The following ASPH variants were observed in gnomAD, a reference collection of about 807,000 sequenced individuals.
ASPH encodes aspartyl/asparaginyl beta-hydroxylase.
In ASPH, 100 loss-of-function variants were observed where a neutral mutation model predicts 118.4. That is an observed-to-expected ratio of 0.84 (90% CI 0.72 to 1.00). The LOEUF is 1.00. Among genes scored for constraint, ASPH ranks in the 50% least tolerant of loss-of-function variants. The probability of loss-of-function intolerance (pLI) is 0.00; values close to 1 mark genes in which losing one functional copy is unlikely to be tolerated. For missense variants in ASPH, 920 were observed against 919.5 expected (o/e 1.00, Z -0.01); for synonymous variants, 315 against 325.6 (o/e 0.97, Z 0.35).
At chr8:61,680,797 AAG>A in intron 3 of ASPH, 169 bp downstream of exon 3, 1 of 459,282 alleles carries the variant, frequency 2.2e-6, no homozygotes, top group East Asian at 3.5e-5. Flanking sequence ...ATTGACATGA[AAG>A]AGTGTGGAAA....
At chr8:61,698,913 G>A (rs201332918) in intron 1 of ASPH, among the ~76,000 whole-genome samples, 147 of 152,284 alleles carry the variant, frequency 9.7e-4, no homozygotes, top group Non-Finnish European at 1.9e-3. Flanking sequence ...ACTAAAAATT[G>A]CATAAACAAT....
In ASPH at chr8:61,553,130, G is replaced by C. The variant is rs1172081491; in HGVS notation, c.1537-10C>G. 1.9e-6 allele frequency: 3 copies of C among 1,598,460 alleles called. No individual in the cohort carries two copies. Among genetic ancestry groups the C allele is most frequent in the Non-Finnish European group, 2.6e-6 (3 of 1,166,174 alleles). ...CGGATTCTATTCCTTCCTGTAGAAA[G>C]GACAGTGTTAGTATGGGTAAAATAA... On this transcript the variant is annotated splice_polypyrimidine_tract_variant and intron_variant, in intron 19 of 24. Coordinates refer to ENST00000379454, the MANE Select transcript of ASPH (RefSeq NM_004318.4).
chr8:61,517,147 TA>T (rs1369684189), intron 24 of ASPH: 1 of 171,870 alleles, frequency 5.8e-6, no homozygotes, highest in Non-Finnish European at 1.3e-5. Flanking sequence ...GTTCTTCAGT[TA>T]GGGGTACTTC....
intron 18 of ASPH, among the ~76,000 whole-genome samples, chr8:61,561,297 T>C (rs1829889691): frequency 6.6e-6 from 1 of 152,188 alleles, no homozygotes; most frequent in South Asian, 2.1e-4. Flanking sequence ...AGACAGGGCA[T>C]TGAGTGTTAT....
At chr8:61,689,308 T>G (rs1831823188) in intron 1 of ASPH, among the ~76,000 whole-genome samples, 1 of 152,088 alleles carries the variant, frequency 6.6e-6, no homozygotes. Context: ...AATTTATATC[T>G]CCTATAATTT....
At chr8:61,511,325 T>G (rs928592851) in intron 24 of ASPH, among the ~76,000 whole-genome samples, 5 of 152,210 alleles carry the variant, frequency 3.3e-5, no homozygotes, top group Non-Finnish European at 7.3e-5. Flanking sequence ...TGTGCTTTCC[T>G]GACAACCTAT....
intron 21 of ASPH, among the ~76,000 whole-genome samples, chr8:61,540,420 G>C (rs1821421586): frequency 6.6e-6 from 1 of 152,084 alleles, no homozygotes; most frequent in South Asian, 2.1e-4. Context: ...CAGCTCTCTT[G>C]CTCCTGTTCA....
chr8:61,662,845 C>A (rs1480515064), intron 3 of ASPH: 10 of 983,466 alleles, frequency 1.0e-5, no homozygotes, highest in Non-Finnish European at 1.2e-5. Flanking sequence ...TACTAAATAG[C>A]AATAGACAAT....
intron 3 of ASPH, among the ~76,000 whole-genome samples, chr8:61,678,964 G>A (rs573405766): frequency 2.2e-4 from 34 of 152,216 alleles, no homozygotes; most frequent in African/African-American, 7.9e-4. Flanking sequence ...TCACCAGGCT[G>A]TCTTTGCAGT....
chr8:61,683,812 AC>A, intron 2 of ASPH: 1 of 417,114 alleles, frequency 2.4e-6, no homozygotes, highest in South Asian at 8.1e-5. Context: ...TGACAGACAT[AC>A]AATATAAAGC....
rs546348108 is a variant in ASPH at position 61,519,251 on chromosome 8, T to C, written c.1901-1128A>G. ...AATAGATTTGTATATATATAGTAAA[T>C]GATACAATAGATTAGTACCTATATA... is the stretch of plus-strand genomic sequence containing the variant. On this transcript the variant is annotated intron_variant, in intron 22 of 24. Transcript: ENST00000379454. Among the ~76,000 whole-genome samples, 16 of 152,326 alleles carry C rather than the reference T, an allele frequency of 1.1e-4. No individual in the cohort carries two copies. In the South Asian group the frequency reaches 3.1e-3, roughly 30 times the overall value.
At chr8:61,578,100 A>G in intron 15 of ASPH, 1 of 1,044,776 alleles carries the variant, frequency 9.6e-7, no homozygotes, top group Non-Finnish European at 1.3e-6. Context: ...CAATGGGGGT[A>G]CAGGTATTGG....
intron 16 of ASPH, among the ~76,000 whole-genome samples, chr8:61,570,312 T>C (rs1423945655): frequency 6.6e-6 from 1 of 152,148 alleles, no homozygotes; most frequent in African/African-American, 2.4e-5. Context: ...ATTATAAAGT[T>C]GAAAAATTGT....
intron 18 of ASPH, among the ~76,000 whole-genome samples, chr8:61,557,134 G>A (rs951159231): frequency 6.6e-6 from 1 of 152,092 alleles, no homozygotes; most frequent in Non-Finnish European, 1.5e-5. Context: ...TCTTACAGGA[G>A]CCTCCTCACT....
Position 61,645,770 on chromosome 8 carries a change from A to G in ASPH, c.619+980T>C, listed in dbSNP as rs1213928822. Among the ~76,000 whole-genome samples, 4 of 152,268 alleles carry G rather than the reference A, an allele frequency of 2.6e-5. No homozygotes were observed. In the East Asian group the frequency reaches 7.7e-4, roughly 29 times the overall value. ...CCTGTTCTAAACAATAGGCATGGAT[A>G]TAAGTTTTTGGAAATACATGTACTC... is the stretch of plus-strand genomic sequence containing the variant. On this transcript the variant is annotated intron_variant, in intron 6 of 24. Transcript: ENST00000379454.
chr8:61,570,705 G>T (rs7819486), intron 16 of ASPH, among the ~76,000 whole-genome samples: 135,922 of 152,240 alleles, frequency 0.89, 60,754 homozygotes, highest in Middle Eastern at 0.92. Context: ...TTTTATCAGT[G>T]TAGCATCTGT....
At chr8:61,605,393 T>C (rs973889756) in intron 14 of ASPH, among the ~76,000 whole-genome samples, 3 of 152,184 alleles carry the variant, frequency 2.0e-5, no homozygotes, top group African/African-American at 7.2e-5. Context: ...CAAATGGCCA[T>C]CTGACCTGCA....
At chr8:61,584,747 G>C (rs1036634274) in intron 14 of ASPH, among the ~76,000 whole-genome samples, 15 of 149,630 alleles carry the variant, frequency 1.0e-4, no homozygotes, top group African/African-American at 3.5e-4. Flanking sequence ...GGCCTCAAGC[G>C]ATCCTCCTGC....
chr8:61,505,925 C>T (rs987366812), intron 24 of ASPH, among the ~76,000 whole-genome samples: 4 of 152,234 alleles, frequency 2.6e-5, no homozygotes, highest in African/African-American at 7.2e-5. Flanking sequence ...TCAGTGTTGT[C>T]ACCGGGATTA....
Sources: gnomAD v4.1 joint callset for allele counts (sites outside exome capture counted in the v4.1 genomes callset) on GRCh38, gnomAD v4.1.1 for gene constraint, MANE v1.5 for transcripts, NCBI Gene and HGNC (gene_info 2026-07-23, HGNC 2026-07-21) for gene names.